The following UBXN7 variants were observed in gnomAD, a reference collection of about 807,000 sequenced individuals.
UBXN7 encodes UBX domain-containing protein 7.
In UBXN7, 9 loss-of-function variants were observed where a neutral mutation model predicts 58.0. That is an observed-to-expected ratio of 0.16 (90% CI 0.09 to 0.27). UBXN7 has a LOEUF of 0.27. UBXN7 is among the 10% of genes least tolerant of loss of function. The pLI is 1.00. For synonymous variants in UBXN7, 208 were observed against 205.0 expected, an observed-to-expected ratio of 1.01 and a Z score of -0.12; for missense variants, 328 against 599.6, an observed-to-expected ratio of 0.55 and a Z score of 4.73.
In UBXN7 at chr3:196,417,741, A is replaced by C. The variant is rs1249811422; in HGVS notation, c.74-10348T>G. ...AAAATGGTTAAAAAAAAAAAAAAAA[A>C]AAAAAAAAAAAAAAAACCATCTCTA... On this transcript the variant is annotated intron_variant, in intron 1 of 10. Coordinates refer to ENST00000296328, the MANE Select transcript of UBXN7 (RefSeq NM_015562.2). Among the ~76,000 whole-genome samples, 151 of 149,068 alleles carry C rather than the reference A, an allele frequency of 1.0e-3. 1 individual carries two copies. Among genetic ancestry groups the C allele is most frequent in the Non-Finnish European group, 2.1e-3 (138 of 67,072 alleles).
At chr3:196,428,120 TCGAAAA>T (rs987702555) in intron 1 of UBXN7, among the ~76,000 whole-genome samples, 1 of 149,690 alleles carries the variant, frequency 6.7e-6, no homozygotes, top group African/African-American at 2.4e-5. Context: ...TGAAATTCTG[TCGAAAA>T]CAAAAACAAA....
chr3:196,387,592 G>GA lies in UBXN7; in HGVS notation c.468+4220dup, dbSNP rs529433945. On this transcript the variant is annotated intron_variant, in intron 5 of 10. Transcript: ENST00000296328. ...ACAAAGAACTCAAACAAATTTACAA[G>GA]AAAAAAACAAACAACCCCATCGAAA... is the stretch of plus-strand genomic sequence containing the variant. 4.6e-3 allele frequency among the ~76,000 whole-genome samples: 700 copies of GA among 152,030 alleles called. 3 individuals are homozygous for GA. The highest frequency in any genetic ancestry group is 0.016 in the African/African-American group (663 of 41,484).
At chr3:196,392,370 T>C (rs1443814004) in intron 4 of UBXN7, among the ~76,000 whole-genome samples, 1 of 148,882 alleles carries the variant, frequency 6.7e-6, no homozygotes, top group Non-Finnish European at 1.5e-5. Flanking sequence ...CCGGGCATGG[T>C]GGAGCATGCC....
intron 10 of UBXN7, among the ~76,000 whole-genome samples, chr3:196,359,008 CT>C (rs766406078): frequency 1.3e-5 from 2 of 152,084 alleles, no homozygotes; most frequent in Admixed American, 6.6e-5. Context: ...ACTGAACTTA[CT>C]CCAATGAATT....
Position 196,415,515 on chromosome 3 carries a change from A to G in UBXN7, c.74-8122T>C, listed in dbSNP as rs185227467. Among the ~76,000 whole-genome samples the G allele has an allele frequency of 8.6e-3, 1,248 of 145,268 alleles. 12 individuals carry two copies. The highest frequency in any genetic ancestry group is 0.029 in the African/African-American group (1,171 of 39,964). On this transcript the variant is annotated intron_variant, in intron 1 of 10. Transcript: ENST00000296328. Reference sequence around the variant, plus strand: ...CAGCAGGCTGGGTGCGGTGGCTCACACCTGTAATCCCAGCACTTTCGGAGG... The same window carrying G: ...CAGCAGGCTGGGTGCGGTGGCTCACGCCTGTAATCCCAGCACTTTCGGAGG...
chr3:196,417,742 A>C (rs1471973196), intron 1 of UBXN7, among the ~76,000 whole-genome samples: 3 of 149,154 alleles, frequency 2.0e-5, no homozygotes, highest in Non-Finnish European at 4.5e-5. Flanking sequence ...AAAAAAAAAA[A>C]AAAAAAAAAA....
At chr3:196,426,778 G>A (rs562469482) in intron 1 of UBXN7, among the ~76,000 whole-genome samples, 1 of 152,004 alleles carries the variant, frequency 6.6e-6, no homozygotes, top group East Asian at 1.9e-4. Context: ...AACCCGGGAG[G>A]TGGAGGCTGC....
chr3:196,431,938 G>A (rs1356626173), intron 1 of UBXN7: 2 of 398,316 alleles, frequency 5.0e-6, no homozygotes, highest in Non-Finnish European at 9.7e-6. Flanking sequence ...GCACCGCACC[G>A]CAGGGCTGCA....
intron 1 of UBXN7, among the ~76,000 whole-genome samples, chr3:196,429,431 G>A (rs1160038829): frequency 1.3e-5 from 2 of 151,284 alleles, no homozygotes; most frequent in South Asian, 4.2e-4. Context: ...TCAATTTTCC[G>A]TTCTATTTCT....
intron 8 of UBXN7, 133 bp downstream of exon 8, chr3:196,367,895 A>G: frequency 7.9e-7 from 1 of 1,259,062 alleles, no homozygotes; most frequent in South Asian, 1.7e-5. Flanking sequence ...GAGGATATCT[A>G]AGATGCTATA....
intron 10 of UBXN7, among the ~76,000 whole-genome samples, chr3:196,358,196 G>A (rs764965271): frequency 2.0e-5 from 3 of 152,178 alleles, no homozygotes; most frequent in Non-Finnish European, 4.4e-5. Context: ...GTGAAGCAGA[G>A]AATCCCAAGA....
At position 196,352,249 on chromosome 3, in the gene UBXN7, CTTAT is replaced by C. The variant is rs1464296697; in HGVS notation, c.*4432_*4435del. On this transcript the variant is annotated 3_prime_UTR_variant, in exon 11 of 11. Transcript: ENST00000296328. This position sits in a 1 kb window ranked among gnomAD's most constrained non-coding sequence, Gnocchi z 4.1. ...TGGATAAAACAGGCAGGAATCATAT[CTTAT>C]TTATTATTTTTTGAGACAGAGTCTC... 1 of 152,030 alleles carries C rather than the reference CTTAT, an allele frequency of 6.6e-6. No homozygotes were observed. Among genetic ancestry groups the C allele is most frequent in the Non-Finnish European group, 1.5e-5 (1 of 68,016 alleles). The allele number at this position is 152,030 out of a possible 1,614,324, so 9.4% of individuals were successfully genotyped here.
chr3:196,427,601 G>A (rs1730891306), intron 1 of UBXN7, among the ~76,000 whole-genome samples: 1 of 152,220 alleles, frequency 6.6e-6, no homozygotes, highest in Non-Finnish European at 1.5e-5. Context: ...TTACAGGCGT[G>A]AGCCACCGCA....
chr3:196,359,733 C>T (rs1486991943), intron 10 of UBXN7, among the ~76,000 whole-genome samples: 2 of 152,014 alleles, frequency 1.3e-5, no homozygotes, highest in Non-Finnish European at 2.9e-5. Flanking sequence ...GGTGAAACCC[C>T]ATCTCCACTA....
chr3:196,372,640 T>A (rs138513420), intron 5 of UBXN7, among the ~76,000 whole-genome samples: 1 of 151,304 alleles, frequency 6.6e-6, no homozygotes, highest in Non-Finnish European at 1.5e-5. Flanking sequence ...TCATGACCGG[T>A]AATGGCTGAA....
intron 1 of UBXN7, among the ~76,000 whole-genome samples, chr3:196,423,866 C>T (rs940636786): frequency 6.6e-6 from 1 of 151,280 alleles, no homozygotes; most frequent in African/African-American, 2.4e-5. Context: ...ACTAATTATT[C>T]CATTTACAAA....
chr3:196,378,733 C>T lies in UBXN7; in HGVS notation c.469-6691G>A, dbSNP rs145564980. The stretch of plus-strand genomic sequence containing the variant: ...GAGGATGACCAGGTCACCCTCATCA[C>T]CATGTTGGTTTTGGGGGATTTTAGC... On this transcript the variant is annotated intron_variant, in intron 5 of 10. Coordinates refer to ENST00000296328, the MANE Select transcript of UBXN7 (RefSeq NM_015562.2). Among the ~76,000 whole-genome samples the T allele has an allele frequency of 2.2e-4, 34 of 152,182 alleles. No homozygotes were observed. The East Asian group carries it at 3.7e-3, about 16-fold the overall frequency.
chr3:196,416,887 G>C (rs1379152982), intron 1 of UBXN7, among the ~76,000 whole-genome samples: 1 of 152,162 alleles, frequency 6.6e-6, no homozygotes, highest in East Asian at 1.9e-4. Flanking sequence ...TAGAAGAAGA[G>C]GGATGTAAGT....
At position 196,361,935 on chromosome 3, in the gene UBXN7, GT is replaced by G; in HGVS notation, c.1229-13del. ...CTGTGCTTTTGGTCCTAAAGGAAGG[GT>G]TTAAAAAAAAAAAAAAAACGGGATA... is the stretch of plus-strand genomic sequence containing the variant. On this transcript the variant is annotated splice_polypyrimidine_tract_variant and intron_variant, in intron 9 of 10. Coordinates refer to ENST00000296328, the MANE Select transcript of UBXN7 (RefSeq NM_015562.2). 2.6e-6 allele frequency: 4 copies of G among 1,557,466 alleles called. No homozygotes were observed. The highest frequency in any genetic ancestry group is 1.8e-5 in the Admixed American group (1 of 54,598).
Sources: allele counts gnomAD v4.1 joint callset (sites outside exome capture counted in the v4.1 genomes callset), GRCh38; gene constraint gnomAD v4.1.1; non-coding constraint Gnocchi (gnomAD v3.1); transcripts MANE v1.5; gene names NCBI Gene and HGNC (gene_info 2026-07-23, HGNC 2026-07-21).